The following ACVR2A variants were observed in gnomAD, a reference collection of about 807,000 sequenced individuals.
ACVR2A encodes the protein activin receptor type-2A.
A neutral mutation model predicts 61.4 loss-of-function variants in ACVR2A; 7 were observed. The ratio of observed to expected loss-of-function variants is 0.11; its 90% confidence interval spans 0.06 to 0.21. The LOEUF is 0.21. Ranked by LOEUF, ACVR2A falls within the 10% of genes least tolerant of loss-of-function variation. ACVR2A has a pLI of 1.00. For missense variants in ACVR2A, 322 were observed against 621.7 expected (o/e 0.52, Z 5.13); for synonymous variants, 193 against 208.3 (o/e 0.93, Z 0.63).
At chr2:147,882,299 C>G (rs916805324) in intron 1 of ACVR2A, among the ~76,000 whole-genome samples, 2 of 152,196 alleles carry the variant, frequency 1.3e-5, no homozygotes, top group African/African-American at 4.8e-5. Context: ...GACTGTAATC[C>G]CAGCACTTTG....
upstream of ACVR2A, chr2:147,844,873 T>G: frequency 2.9e-6 from 1 of 347,626 alleles, no homozygotes; most frequent in Non-Finnish European, 5.1e-6. Context: ...CCCGCTTTTG[T>G]TGTTGTTGGC....
intron 4 of ACVR2A, among the ~76,000 whole-genome samples, chr2:147,907,937 G>A (rs578177124): frequency 1.6e-4 from 24 of 151,760 alleles, no homozygotes; most frequent in African/African-American, 5.8e-4. Context: ...TACTTCGGAG[G>A]CTGAGGTGGG....
At chr2:147,923,211 T>C in intron 9 of ACVR2A, 100 bp downstream of exon 9, 1 of 1,323,628 alleles carries the variant, frequency 7.6e-7, no homozygotes, top group Non-Finnish European at 1.0e-6. Flanking sequence ...GTACAGTTTT[T>C]TTTTAATTGA....
At chr2:147,926,200 A>C in intron 10 of ACVR2A, 39 bp downstream of exon 10, 1 of 1,588,796 alleles carries the variant, frequency 6.3e-7, no homozygotes, top group Non-Finnish European at 8.6e-7. Context: ...AAATTCCAAT[A>C]AAACACTTTT....
At chr2:147,874,238 A>G (rs1032711500) in intron 1 of ACVR2A, among the ~76,000 whole-genome samples, 1 of 151,956 alleles carries the variant, frequency 6.6e-6, no homozygotes, top group Non-Finnish European at 1.5e-5. Flanking sequence ...ATTTCTTTGC[A>G]AGTTACAATT....
At position 147,928,594 on chromosome 2, in the gene ACVR2A, G is replaced by A. The variant is rs1687565274; in HGVS notation, c.*1320G>A. 1 of 152,240 alleles carries A rather than the reference G, an allele frequency of 6.6e-6. No homozygotes were observed. The highest frequency in any genetic ancestry group is 2.1e-4 in the South Asian group (1 of 4,826). 9.4% of individuals were successfully genotyped at this position (152,240 alleles called of 1,614,324 possible). A position where few individuals can be genotyped will look rare whatever the true frequency, so the allele number is the denominator to read the frequency against. On this transcript the variant is annotated 3_prime_UTR_variant, in exon 11 of 11. Transcript: ENST00000241416. ...AAACGTATAACTTAAAATATGCAATGACATTTAGAGGTAACCAATGTTGAT... is the reference window on the plus strand; with the variant it reads ...AAACGTATAACTTAAAATATGCAATAACATTTAGAGGTAACCAATGTTGAT...
At chr2:147,886,610 A>G (rs1365376466) in intron 1 of ACVR2A, among the ~76,000 whole-genome samples, 2 of 152,222 alleles carry the variant, frequency 1.3e-5, no homozygotes, top group Non-Finnish European at 2.9e-5. Flanking sequence ...TGATAATTGT[A>G]AAAGATTTAC....
At chr2:147,909,394 AT>A (rs1687063613) in intron 4 of ACVR2A, among the ~76,000 whole-genome samples, 1 of 152,154 alleles carries the variant, frequency 6.6e-6, no homozygotes, top group Non-Finnish European at 1.5e-5. Flanking sequence ...GAATGAATGA[AT>A]GAATGAATGA....
At chr2:147,847,322 C>T (rs979593715) in intron 1 of ACVR2A, among the ~76,000 whole-genome samples, 2 of 151,904 alleles carry the variant, frequency 1.3e-5, no homozygotes, top group Non-Finnish European at 1.5e-5. Context: ...CTTAAAATGT[C>T]TGATTTTTAA....
intron 4 of ACVR2A, among the ~76,000 whole-genome samples, chr2:147,908,304 A>C (rs1474897313): frequency 6.6e-6 from 1 of 152,180 alleles, no homozygotes; most frequent in Non-Finnish European, 1.5e-5. Context: ...CATCAACCCC[A>C]AAAAGAGAAT....
intron 1 of ACVR2A, among the ~76,000 whole-genome samples, chr2:147,871,728 G>A (rs980370415): frequency 3.3e-5 from 5 of 152,116 alleles, no homozygotes; most frequent in South Asian, 2.1e-4. Flanking sequence ...ACTAAGCCTC[G>A]TTGTTAGCCA....
At chr2:147,925,913 T>G (rs1487847777) in intron 9 of ACVR2A, 118 bp from the exon 10 acceptor site, 3 of 1,019,298 alleles carry the variant, frequency 2.9e-6, no homozygotes, top group Non-Finnish European at 2.9e-6. Flanking sequence ...TCTTCTGTCC[T>G]CATAGCATGT....
chr2:147,851,397 G>T (rs983960538), intron 1 of ACVR2A, among the ~76,000 whole-genome samples: 3 of 152,000 alleles, frequency 2.0e-5, no homozygotes, highest in Non-Finnish European at 4.4e-5. Flanking sequence ...TACACAATGG[G>T]GGGATATTAA....
intron 1 of ACVR2A, 56 bp downstream of exon 1, chr2:147,845,263 G>T (rs1685277714): frequency 5.8e-6 from 9 of 1,544,094 alleles, no homozygotes; most frequent in Admixed American, 5.2e-5. Flanking sequence ...GGCGGCCGCT[G>T]CTGGGGGCCG....
At chr2:147,892,734 G>T (rs2105185748) in intron 1 of ACVR2A, among the ~76,000 whole-genome samples, 1 of 151,646 alleles carries the variant, frequency 6.6e-6, no homozygotes, top group East Asian at 2.0e-4. Context: ...TTTGTGATAT[G>T]TTATTTTGAT....
chr2:147,929,275 T>A lies in ACVR2A; in HGVS notation c.*2001T>A, dbSNP rs551349057. 6.6e-6 allele frequency: 1 copy of A among 151,982 alleles called. No individual in the cohort carries two copies. Among genetic ancestry groups the A allele is most frequent in the Non-Finnish European group, 1.5e-5 (1 of 67,948 alleles). 9.4% of individuals were successfully genotyped at this position (151,982 alleles called of 1,614,324 possible). On this transcript the variant is annotated 3_prime_UTR_variant, in exon 11 of 11. Transcript: ENST00000241416. ...TCTGGTTTTGCTTCCATTTAAAAAC[T>A]AATCAAGAAGGGAAAATATTGAGAA...
At chr2:147,895,188 GCA>G (rs1371973069) in intron 1 of ACVR2A, among the ~76,000 whole-genome samples, 1 of 152,014 alleles carries the variant, frequency 6.6e-6, no homozygotes, top group African/African-American at 2.4e-5. Flanking sequence ...ACCATACATG[GCA>G]CAGTTTGCAG....
chr2:147,857,442 C>A (rs1031194989), intron 1 of ACVR2A, among the ~76,000 whole-genome samples: 2 of 149,416 alleles, frequency 1.3e-5, no homozygotes, highest in Non-Finnish European at 3.0e-5. Context: ...ACCATTGAAA[C>A]GTTATTTGTC....
intron 4 of ACVR2A, among the ~76,000 whole-genome samples, chr2:147,902,001 T>C (rs1228666798): frequency 6.6e-6 from 1 of 152,054 alleles, no homozygotes; most frequent in African/African-American, 2.4e-5. Context: ...TTATTGAGCA[T>C]TTTACAGTGT....
Sources: allele counts gnomAD v4.1 joint callset (sites outside exome capture counted in the v4.1 genomes callset), GRCh38; gene constraint gnomAD v4.1.1; transcripts MANE v1.5; gene names NCBI Gene and HGNC (gene_info 2026-07-23, HGNC 2026-07-21).